Variants in CACNB2 observed in about 807,000 individuals in gnomAD.
The protein encoded by CACNB2 is voltage-dependent L-type calcium channel subunit beta-2.
A neutral mutation model predicts 73.3 loss-of-function variants in CACNB2; 42 were observed. The observed-to-expected ratio is 0.57, with a 90% CI of 0.45 to 0.74. The LOEUF (loss-of-function observed/expected upper bound fraction) is 0.74, where lower values mean the gene tolerates loss of function less well. CACNB2 is among the 30% of genes least tolerant of loss of function. CACNB2 has a pLI of 0.00. For missense variants in CACNB2, 940 were observed against 853.0 expected, an observed-to-expected ratio of 1.10 and a Z score of -1.27; for synonymous variants, 348 against 310.3, an observed-to-expected ratio of 1.12 and a Z score of -1.28.
chr10:18,416,413 T>C (rs1433815583), intron 3 of CACNB2, among the ~76,000 whole-genome samples: 1 of 152,186 alleles, frequency 6.6e-6, no homozygotes, highest in East Asian at 1.9e-4. Flanking sequence ...GCTATAAAGT[T>C]TTGTTTGCTT....
At chr10:18,326,919 T>A (rs1400213593) in intron 2 of CACNB2, among the ~76,000 whole-genome samples, 1 of 151,884 alleles carries the variant, frequency 6.6e-6, no homozygotes, top group African/African-American at 2.4e-5. Flanking sequence ...TAGAGACGGG[T>A]TTTTTTGCCA....
chr10:18,173,950 A>T (rs1461633156), intron 2 of CACNB2, among the ~76,000 whole-genome samples: 1 of 152,186 alleles, frequency 6.6e-6, no homozygotes, highest in Non-Finnish European at 1.5e-5. Context: ...TGAGTCTCAG[A>T]TGGCCTTTAT....
chr10:18,359,200 A>AC (rs1411878517), intron 2 of CACNB2, among the ~76,000 whole-genome samples: 1 of 152,006 alleles, frequency 6.6e-6, no homozygotes, highest in African/African-American at 2.4e-5. Flanking sequence ...TGAGAAGCCT[A>AC]CCCCCACAAA....
At chr10:18,221,235 C>T (rs531054558) in intron 2 of CACNB2, among the ~76,000 whole-genome samples, 2 of 152,294 alleles carry the variant, frequency 1.3e-5, no homozygotes, top group African/African-American at 4.8e-5. Context: ...TATATAAATT[C>T]GTTCCAAAGG....
At chr10:18,212,609 T>C (rs1209227166) in intron 2 of CACNB2, among the ~76,000 whole-genome samples, 2 of 152,204 alleles carry the variant, frequency 1.3e-5, no homozygotes, top group African/African-American at 4.8e-5. Context: ...AAATGTTTGC[T>C]TATTTTTGTT....
At chr10:18,353,455 T>C (rs1018875411) in intron 2 of CACNB2, among the ~76,000 whole-genome samples, 1 of 152,140 alleles carries the variant, frequency 6.6e-6, no homozygotes, top group Non-Finnish European at 1.5e-5. Context: ...TACGTTTGTA[T>C]GGACTTGGAA....
intron 2 of CACNB2, among the ~76,000 whole-genome samples, chr10:18,326,003 T>A (rs903217489): frequency 8.5e-5 from 13 of 152,072 alleles, no homozygotes; most frequent in African/African-American, 3.1e-4. Flanking sequence ...CCAAAGCTGC[T>A]GAGATTATAG....
chr10:18,240,257 T>G (rs2131499507), intron 2 of CACNB2, among the ~76,000 whole-genome samples: 1 of 152,308 alleles, frequency 6.6e-6, no homozygotes, highest in South Asian at 2.1e-4. Context: ...TATTCTACAA[T>G]CCAAATAACA....
chr10:18,327,292 A>G (rs2040623502), intron 2 of CACNB2, among the ~76,000 whole-genome samples: 1 of 152,236 alleles, frequency 6.6e-6, no homozygotes, highest in Non-Finnish European at 1.5e-5. Flanking sequence ...TTATATTTTC[A>G]TAATAAAAAT....
chr10:18,246,534 G>A lies in CACNB2; in HGVS notation c.213+95559G>A, dbSNP rs776932402. 8.7e-4 allele frequency among the ~76,000 whole-genome samples: 133 copies of A among 152,208 alleles called. 1 individual carries two copies. Among genetic ancestry groups the A allele is most frequent in the Admixed American group, 2.4e-3 (36 of 15,274 alleles). The stretch of plus-strand genomic sequence containing the variant: ...GGGGTTGAAATGCATTATCTCAGAA[G>A]CCTAATGGTACCAATCTCAAATGTT... On this transcript the variant is annotated intron_variant, in intron 2 of 13. Coordinates refer to ENST00000324631, the MANE Select transcript of CACNB2 (RefSeq NM_201596.3).
chr10:18,437,606 C>T (rs1424893230), intron 3 of CACNB2, among the ~76,000 whole-genome samples: 6 of 152,118 alleles, frequency 3.9e-5, no homozygotes, highest in Admixed American at 3.3e-4. Context: ...ATCACGTGGG[C>T]CAATCTAACT....
intron 10 of CACNB2, among the ~76,000 whole-genome samples, chr10:18,532,279 TTA>T (rs2053107375): frequency 6.6e-6 from 1 of 152,148 alleles, no homozygotes; most frequent in Non-Finnish European, 1.5e-5. Context: ...ACAAATATCT[TTA>T]TATATGTGTA....
At chr10:18,179,313 T>C (rs769129568) in intron 2 of CACNB2, among the ~76,000 whole-genome samples, 6 of 152,162 alleles carry the variant, frequency 3.9e-5, no homozygotes, top group Non-Finnish European at 8.8e-5. Context: ...AGGTGATAGC[T>C]TTCCTAAGAC....
At chr10:18,418,080 ATTTG>A (rs373073981) in intron 3 of CACNB2, among the ~76,000 whole-genome samples, 3 of 151,870 alleles carry the variant, frequency 2.0e-5, no homozygotes, top group African/African-American at 7.3e-5. Flanking sequence ...TTGTTTGTTT[ATTTG>A]TTTGTTTTTG....
intron 2 of CACNB2, among the ~76,000 whole-genome samples, chr10:18,298,816 A>G (rs1208910395): frequency 7.9e-5 from 12 of 152,224 alleles, no homozygotes; most frequent in Admixed American, 7.9e-4. Context: ...AAGCAGAGGT[A>G]ATAAGAATGG....
rs1295396966 is a variant in CACNB2 at position 18,536,083 on chromosome 10, ACT to A, written c.1207-16_1207-15del. ...GGATGTAGTTATTACTCTGTTAAAA[ACT>A]CATTATCTTTTACAGGTTTTACAAA... On this transcript the variant is annotated splice_polypyrimidine_tract_variant and intron_variant, in intron 11 of 13. Coordinates refer to ENST00000324631, the MANE Select transcript of CACNB2 (RefSeq NM_201596.3). 1 of 1,477,714 alleles carries A rather than the reference ACT, an allele frequency of 6.8e-7. No homozygotes were observed. Among genetic ancestry groups the A allele is most frequent in the Admixed American group, 1.7e-5 (1 of 59,746 alleles). The allele number at this position is 1,477,714 out of a possible 1,614,324, so 91.5% of individuals were successfully genotyped here. A position where few individuals can be genotyped will look rare whatever the true frequency, so the allele number is the denominator to read the frequency against.
chr10:18,477,996 G>A lies in CACNB2; in HGVS notation c.334-20359G>A, dbSNP rs191638772. 2.9e-4 allele frequency among the ~76,000 whole-genome samples: 44 copies of A among 152,160 alleles called. 1 individual carries two copies. Among genetic ancestry groups the A allele is most frequent in the East Asian group, 1.2e-3 (6 of 5,160 alleles). ...GTTGCCCAGGCTGGAGTGCAAAGGC[G>A]CCATCTCGGCTCACTGGAAGCACCT... On this transcript the variant is annotated intron_variant, in intron 3 of 13. Coordinates refer to ENST00000324631, the MANE Select transcript of CACNB2 (RefSeq NM_201596.3).
chr10:18,150,853 G>GTTTTTTTTTTTTTTTTTTTT, intron 1 of CACNB2, 30 bp from the exon 2 acceptor site: 1 of 655,040 alleles, frequency 1.5e-6, no homozygotes, highest in Admixed American at 4.0e-5. Context: ...AATCTTATTT[G>GTTTTTTTTTTTTTTTTTTTT]TCTTTTTTTT....
chr10:18,191,557 G>A (rs1464864525), intron 2 of CACNB2, among the ~76,000 whole-genome samples: 5 of 152,128 alleles, frequency 3.3e-5, no homozygotes, highest in Non-Finnish European at 5.9e-5. Flanking sequence ...ATTATATACT[G>A]TACCCTATTT....
Sources: allele counts gnomAD v4.1 joint callset (sites outside exome capture counted in the v4.1 genomes callset), GRCh38; gene constraint gnomAD v4.1.1; transcripts MANE v1.5; gene names NCBI Gene and HGNC (gene_info 2026-07-23, HGNC 2026-07-21).